RAB27B: variants seen among roughly 807,000 people sequenced by gnomAD.
RAB27B encodes ras-related protein Rab-27B.
A neutral mutation model predicts 24.6 loss-of-function variants in RAB27B; 15 were observed. The observed-to-expected ratio is 0.61, with a 90% CI of 0.41 to 0.94. The LOEUF (loss-of-function observed/expected upper bound fraction) is 0.94. Among genes scored for constraint, RAB27B ranks in the 40% least tolerant of loss-of-function variants. The pLI is 0.00. For missense variants in RAB27B, 261 were observed against 266.8 expected (o/e 0.98, Z 0.15); for synonymous variants, 105 against 92.5 (o/e 1.14, Z -0.78).
At chr18:54,850,333 G>GATATATATATATATATATATATATATAT (rs35735191) in intron 1 of RAB27B, among the ~76,000 whole-genome samples, 56 of 95,146 alleles carry the variant, frequency 5.9e-4, no homozygotes, top group Admixed American at 7.0e-4. Context: ...AAACAAACAG[G>GATATATATATATATATATATATATATAT]ATATATATAT....
intron 2 of RAB27B, among the ~76,000 whole-genome samples, chr18:54,806,795 A>C (rs952869813): frequency 6.6e-6 from 1 of 152,198 alleles, no homozygotes; most frequent in African/African-American, 2.4e-5. Flanking sequence ...TTGAAGAATT[A>C]TATCAATACC....
chr18:54,776,943 G>T (rs1349720704), intron 2 of RAB27B, among the ~76,000 whole-genome samples: 1 of 152,236 alleles, frequency 6.6e-6, no homozygotes, highest in East Asian at 1.9e-4. Context: ...TACTCGGGAG[G>T]TTGAGGCAGG....
intron 1 of RAB27B, among the ~76,000 whole-genome samples, chr18:54,844,692 C>A (rs1257670595): frequency 6.6e-6 from 1 of 152,086 alleles, no homozygotes; most frequent in Non-Finnish European, 1.5e-5. Context: ...TAGGTGTGAA[C>A]CACTGTGCCT....
At chr18:54,751,223 G>A (rs1907820740) in intron 2 of RAB27B, among the ~76,000 whole-genome samples, 1 of 152,124 alleles carries the variant, frequency 6.6e-6, no homozygotes, top group Non-Finnish European at 1.5e-5. Flanking sequence ...TGCTGAAGAG[G>A]ATGGTAGCAG....
chr18:54,725,730 G>A (rs1909516367), intron 2 of RAB27B, among the ~76,000 whole-genome samples: 2 of 151,362 alleles, frequency 1.3e-5, no homozygotes, highest in Admixed American at 6.6e-5. Flanking sequence ...TCACTATCAC[G>A]AGAATAGGAC....
rs1189619452 is a variant in RAB27B at position 54,891,038 on chromosome 18, T to C, written c.*1625T>C. Reference sequence around the variant, plus strand: ...TTTTTGACAGGCTGTTTCCTCGTCGTATAGATTTTTTCCAATCAAACCTAC... The same window carrying C: ...TTTTTGACAGGCTGTTTCCTCGTCGCATAGATTTTTTCCAATCAAACCTAC... On this transcript the variant is annotated 3_prime_UTR_variant, in exon 6 of 6. Transcript: ENST00000262094. The C allele has an allele frequency of 6.6e-6, 1 of 151,640 alleles. No individual in the cohort carries two copies. The highest frequency in any genetic ancestry group is 1.5e-5 in the Non-Finnish European group (1 of 67,924). 9.4% of individuals were successfully genotyped at this position (151,640 alleles called of 1,614,324 possible). A position where few individuals can be genotyped will look rare whatever the true frequency, so the allele number is the denominator to read the frequency against.
At chr18:54,806,337 G>A (rs999999627) in intron 2 of RAB27B, among the ~76,000 whole-genome samples, 11 of 151,196 alleles carry the variant, frequency 7.3e-5, no homozygotes, top group African/African-American at 2.4e-4. Context: ...GCTCTATGGT[G>A]TGTTACTGTA....
intron 1 of RAB27B, among the ~76,000 whole-genome samples, chr18:54,838,473 A>C (rs538324517): frequency 6.6e-6 from 1 of 152,208 alleles, no homozygotes; most frequent in Admixed American, 6.5e-5. Flanking sequence ...TGGGTGCTTC[A>C]CACTCTCCAT....
intron 2 of RAB27B, among the ~76,000 whole-genome samples, chr18:54,728,089 G>A (rs1433698467): frequency 6.6e-6 from 1 of 152,034 alleles, no homozygotes; most frequent in African/African-American, 2.4e-5. Context: ...CATTTCCTGG[G>A]GTTTTAATTT....
At chr18:54,850,413 C>A (rs1369423402) in intron 1 of RAB27B, among the ~76,000 whole-genome samples, 2 of 142,720 alleles carry the variant, frequency 1.4e-5, no homozygotes, top group Non-Finnish European at 3.0e-5. Context: ...ACTCTGTCAC[C>A]CAGCCTGGAG....
At chr18:54,875,072 C>G (rs558041179) in intron 1 of RAB27B, among the ~76,000 whole-genome samples, 1 of 152,144 alleles carries the variant, frequency 6.6e-6, no homozygotes, top group Non-Finnish European at 1.5e-5. Flanking sequence ...TCTGTAATCC[C>G]AGCACTTTCG....
intron 2 of RAB27B, among the ~76,000 whole-genome samples, chr18:54,747,748 G>T (rs1910299081): frequency 6.6e-6 from 1 of 152,120 alleles, no homozygotes. Context: ...ATTAAATTGT[G>T]TAATTAGAAC....
chr18:54,817,205 C>T (rs1013002136), intron 2 of RAB27B, among the ~76,000 whole-genome samples: 1 of 152,138 alleles, frequency 6.6e-6, no homozygotes, highest in East Asian at 1.9e-4. Flanking sequence ...CTTTGGACAC[C>T]TATTGTGGCA....
At chr18:54,729,323 G>A (rs1470306127) in intron 2 of RAB27B, among the ~76,000 whole-genome samples, 1 of 152,110 alleles carries the variant, frequency 6.6e-6, no homozygotes, top group Non-Finnish European at 1.5e-5. Flanking sequence ...GAAAAGGAGA[G>A]GAGTGATATT....
chr18:54,873,273 T>G (rs1199974901), intron 1 of RAB27B, among the ~76,000 whole-genome samples: 1 of 152,214 alleles, frequency 6.6e-6, no homozygotes, highest in Non-Finnish European at 1.5e-5. Context: ...TACATTTCAG[T>G]TCTTTTCCCT....
intron 2 of RAB27B, among the ~76,000 whole-genome samples, chr18:54,722,268 A>T (rs987549281): frequency 6.6e-6 from 1 of 152,200 alleles, no homozygotes; most frequent in Non-Finnish European, 1.5e-5. Context: ...TCCACAGACA[A>T]CAGAAAAAGA....
At chr18:54,840,116 G>A (rs890137720) in intron 1 of RAB27B, among the ~76,000 whole-genome samples, 4 of 152,138 alleles carry the variant, frequency 2.6e-5, no homozygotes, top group African/African-American at 9.7e-5. Context: ...GTTATGACTT[G>A]TCTATTTTAT....
chr18:54,844,826 T>C (rs546255322), intron 1 of RAB27B, among the ~76,000 whole-genome samples: 2 of 152,310 alleles, frequency 1.3e-5, no homozygotes, highest in East Asian at 1.9e-4. Flanking sequence ...ACATGTTTAT[T>C]TTCCAGCCTG....
rs559106627 is a variant in RAB27B at position 54,744,693 on chromosome 18, G to T, written c.-20+26552G>T. On this transcript the variant is annotated intron_variant, in intron 2 of 4. Coordinates refer to the RAB27B transcript ENST00000586570. ...TAGCCTTTCCATATTACCCAGAGAG[G>T]GTCCATATGACATTATTCTGAATTC... 3.9e-5 allele frequency: 6 copies of T among 152,334 alleles called. No homozygotes were observed. The South Asian group carries it at 1.2e-3, about 32-fold the overall frequency. The allele number at this position is 152,334 out of a possible 1,614,324, so 9.4% of individuals were successfully genotyped here.
Sources: gnomAD v4.1 joint callset for allele counts (sites outside exome capture counted in the v4.1 genomes callset) on GRCh38, gnomAD v4.1.1 for gene constraint, MANE v1.5 for transcripts, NCBI Gene and HGNC (gene_info 2026-07-23, HGNC 2026-07-21) for gene names.